Variants in ACBD6 observed in about 807,000 individuals in gnomAD.
ACBD6 encodes the protein acyl-CoA-binding domain-containing protein 6.
A neutral mutation model predicts 37.2 loss-of-function variants in ACBD6; 28 were observed. The observed-to-expected ratio is 0.75, with a 90% CI of 0.56 to 1.03. The LOEUF (loss-of-function observed/expected upper bound fraction) is 1.03, where lower values mean the gene tolerates loss of function less well. ACBD6 is among the 50% of genes least tolerant of loss of function. The pLI is 0.00. For synonymous variants in ACBD6, 113 were observed against 126.8 expected (o/e 0.89, Z 0.73); for missense variants, 340 against 337.4 (o/e 1.01, Z -0.06).
At chr1:180,400,551 AAC>A (rs1191231686) in intron 5 of ACBD6, among the ~76,000 whole-genome samples, 1 of 152,212 alleles carries the variant, frequency 6.6e-6, no homozygotes, top group Non-Finnish European at 1.5e-5. Context: ...CTTGTAAATA[AAC>A]ACAGACAAAA....
chr1:180,409,142 TA>T (rs139466026), intron 5 of ACBD6, among the ~76,000 whole-genome samples: 2 of 151,794 alleles, frequency 1.3e-5, no homozygotes, highest in East Asian at 1.9e-4. Context: ...AGAATCTGTC[TA>T]AAAAAAAGAG....
At chr1:180,346,973 G>A (rs1353424344) in intron 6 of ACBD6, among the ~76,000 whole-genome samples, 1 of 152,020 alleles carries the variant, frequency 6.6e-6, no homozygotes, top group East Asian at 1.9e-4. Context: ...CTGTGACCAT[G>A]CCACTGCACT....
At chr1:180,433,867 G>A (rs1352029404) in intron 3 of ACBD6, among the ~76,000 whole-genome samples, 1 of 151,954 alleles carries the variant, frequency 6.6e-6, no homozygotes, top group Non-Finnish European at 1.5e-5. Context: ...CTATACCCTA[G>A]GGGAAGGAAT....
At chr1:180,404,058 C>A (rs1458671765) in intron 5 of ACBD6, among the ~76,000 whole-genome samples, 1 of 152,000 alleles carries the variant, frequency 6.6e-6, no homozygotes, top group East Asian at 1.9e-4. Flanking sequence ...TCAAGAGATT[C>A]TCCTGCCTCA....
intron 3 of ACBD6, among the ~76,000 whole-genome samples, chr1:180,459,834 T>C (rs926015790): frequency 2.0e-5 from 3 of 152,232 alleles, no homozygotes; most frequent in South Asian, 2.1e-4. Flanking sequence ...CAAACACATA[T>C]GACCTCAAAA....
chr1:180,436,801 CA>C (rs1435619730), intron 3 of ACBD6, among the ~76,000 whole-genome samples: 13 of 151,808 alleles, frequency 8.6e-5, no homozygotes, highest in African/African-American at 3.1e-4. Context: ...ATTGAAACCT[CA>C]AAAAACAAAA....
chr1:180,298,408 C>T (rs1012838786), intron 7 of ACBD6, among the ~76,000 whole-genome samples: 4 of 152,088 alleles, frequency 2.6e-5, no homozygotes, highest in Non-Finnish European at 5.9e-5. Flanking sequence ...CCAACAGTTA[C>T]GCGAGAAGAT....
intron 6 of ACBD6, among the ~76,000 whole-genome samples, chr1:180,375,990 A>G (rs1419534738): frequency 6.6e-6 from 1 of 152,212 alleles, no homozygotes; most frequent in Non-Finnish European, 1.5e-5. Context: ...CTGAGTCACA[A>G]AAGGCCAAAA....
intron 3 of ACBD6, among the ~76,000 whole-genome samples, chr1:180,450,540 C>T (rs987043788): frequency 6.6e-6 from 1 of 152,116 alleles, no homozygotes; most frequent in Non-Finnish European, 1.5e-5. Flanking sequence ...AGGTGGATCA[C>T]GAGGTCAGGA....
intron 6 of ACBD6, among the ~76,000 whole-genome samples, chr1:180,336,708 C>A (rs1313400017): frequency 3.3e-5 from 5 of 151,726 alleles, no homozygotes; most frequent in East Asian, 1.9e-4. Context: ...CCTTCAAAAA[C>A]TCAATGAATC....
intron 6 of ACBD6, among the ~76,000 whole-genome samples, chr1:180,356,024 C>A (rs56381226): frequency 1.8e-3 from 226 of 124,306 alleles, no homozygotes; most frequent in African/African-American, 5.6e-3. Flanking sequence ...CACGCCACCA[C>A]GCCCGGCTAA....
intron 3 of ACBD6, among the ~76,000 whole-genome samples, chr1:180,484,922 G>A (rs1400678646): frequency 6.6e-6 from 1 of 151,896 alleles, no homozygotes; most frequent in African/African-American, 2.4e-5. Context: ...AAATTAGCTG[G>A]GCGTGGTGGT....
chr1:180,401,871 T>G (rs1213369431), intron 5 of ACBD6, among the ~76,000 whole-genome samples: 1 of 151,876 alleles, frequency 6.6e-6, no homozygotes, highest in Non-Finnish European at 1.5e-5. Flanking sequence ...GATGTTCTTA[T>G]GATATTTTGA....
At chr1:180,377,012 G>C (rs898445180) in intron 6 of ACBD6, among the ~76,000 whole-genome samples, 1 of 152,054 alleles carries the variant, frequency 6.6e-6, no homozygotes, top group Non-Finnish European at 1.5e-5. Flanking sequence ...AAGGCTAATG[G>C]CAAAATGAAA....
intron 3 of ACBD6, among the ~76,000 whole-genome samples, chr1:180,447,937 G>C (rs1486170726): frequency 2.6e-5 from 4 of 151,540 alleles, no homozygotes; most frequent in South Asian, 4.2e-4. Flanking sequence ...TGGATAAACA[G>C]ACCATGATTA....
At chr1:180,293,497 G>A (rs1040188853) in intron 7 of ACBD6, among the ~76,000 whole-genome samples, 5 of 151,928 alleles carry the variant, frequency 3.3e-5, no homozygotes, top group Non-Finnish European at 7.4e-5. Flanking sequence ...TAGTAGAGAC[G>A]GGGTTTTGCC....
chr1:180,366,558 T>C (rs1396377063), intron 6 of ACBD6, among the ~76,000 whole-genome samples: 1 of 152,170 alleles, frequency 6.6e-6, no homozygotes, highest in Non-Finnish European at 1.5e-5. Flanking sequence ...AAAAATAAGA[T>C]GACACTGGGT....
intron 3 of ACBD6, among the ~76,000 whole-genome samples, chr1:180,481,160 C>T (rs752028852): frequency 6.6e-6 from 1 of 152,118 alleles, no homozygotes; most frequent in South Asian, 2.1e-4. Context: ...CTGCAAACCA[C>T]AACCTTGTGA....
intron 9 of ACBD6, among the ~76,000 whole-genome samples, chr1:180,279,839 T>TA (rs78141564): frequency 0.011 from 1,565 of 142,722 alleles, 21 homozygotes; most frequent in African/African-American, 0.033. Flanking sequence ...TTCATTACAT[T>TA]AAAAAAAAAA....
Sources: gnomAD v4.1 joint callset for allele counts (sites outside exome capture counted in the v4.1 genomes callset) on GRCh38, gnomAD v4.1.1 for gene constraint, MANE v1.5 for transcripts, NCBI Gene and HGNC (gene_info 2026-07-23, HGNC 2026-07-21) for gene names.